The following FIP1L1 variants were observed in gnomAD, a reference collection of about 807,000 sequenced individuals.
FIP1L1 encodes factor interacting with PAPOLA and CPSF1.
A neutral mutation model predicts 84.6 loss-of-function variants in FIP1L1; 21 were observed. The observed-to-expected ratio is 0.25, with a 90% CI of 0.18 to 0.36. The LOEUF is 0.36. Ranked by LOEUF, FIP1L1 falls within the 10% of genes least tolerant of loss-of-function variation. The probability of loss-of-function intolerance (pLI) is 1.00; values close to 1 mark genes in which losing one functional copy is unlikely to be tolerated. For synonymous variants in FIP1L1, 263 were observed against 242.3 expected (o/e 1.09, Z -0.80); for missense variants, 526 against 751.1 (o/e 0.70, Z 3.50).
At chr4:53,400,122 GA>G (rs796862725) in intron 10 of FIP1L1, among the ~76,000 whole-genome samples, 9 of 152,306 alleles carry the variant, frequency 5.9e-5, no homozygotes, top group African/African-American at 1.7e-4. Context: ...TTACATTCAA[GA>G]GAGGTGGTAA....
At position 53,459,575 on chromosome 4, in the gene FIP1L1, C is replaced by CT. The variant is rs750952262; in HGVS notation, c.*133dup. Reference sequence around the variant, plus strand: ...TCTGTTTGTTAGTATGAAAAGTTAACTTTTTTTCCAAAATAAAAGAGTGAA... The same window carrying CT: ...TCTGTTTGTTAGTATGAAAAGTTAACTTTTTTTTCCAAAATAAAAGAGTGAA... On this transcript the variant is annotated 3_prime_UTR_variant, in exon 18 of 18. Coordinates refer to ENST00000337488, the MANE Select transcript of FIP1L1 (RefSeq NM_030917.4). The CT allele has an allele frequency of 5.1e-6, 7 of 1,368,250 alleles. No homozygotes were observed. Among genetic ancestry groups the CT allele is most frequent in the Middle Eastern group, 2.0e-4 (1 of 5,000 alleles). 84.8% of individuals were successfully genotyped at this position (1,368,250 alleles called of 1,614,324 possible).
Position 53,391,037 on chromosome 4 carries a change from T to C in FIP1L1, c.534T>C (p.Tyr178=), listed in dbSNP as rs1208428227. The C allele has an allele frequency of 1.9e-6, 3 of 1,605,560 alleles. No individual in the cohort carries two copies. The highest frequency in any genetic ancestry group is 2.5e-6 in the Non-Finnish European group (3 of 1,176,920). ...CTGATCTTTCTGATTATTTTAATTA[T>C]GGGTTTAATGAAGATACCTGGAAAG... The part of the protein sequence containing the change: ...PGADLSDYFN[Y]GFNEDTWKAY... The change falls in exon 8 of 18, where the codon TAT becomes TAC. Residue 178 remains tyrosine, a synonymous_variant. Coordinates refer to ENST00000337488, the MANE Select transcript of FIP1L1 (RefSeq NM_030917.4).
chr4:53,407,504 G>A (rs1754319918), intron 10 of FIP1L1, among the ~76,000 whole-genome samples: 1 of 152,078 alleles, frequency 6.6e-6, no homozygotes. Flanking sequence ...GGGGTGGAGA[G>A]TTCTGTAGAT....
intron 15 of FIP1L1, 86 bp downstream of exon 15, chr4:53,444,189 G>A (rs1773217195): frequency 3.4e-6 from 3 of 889,876 alleles, no homozygotes; most frequent in Non-Finnish European, 3.7e-6. Context: ...CGTGTTCATG[G>A]TTTAACATCT....
chr4:53,377,790 G>A lies in FIP1L1; in HGVS notation c.-49G>A. ...TCGGGGCTGCGAGGCTGGGGAAGGG[G>A]TTGGAGGGGGCTGTTGATCGCCGCG... is the stretch of plus-strand genomic sequence containing the variant. On this transcript the variant is annotated 5_prime_UTR_variant, in exon 1 of 18. Coordinates refer to ENST00000337488, the MANE Select transcript of FIP1L1 (RefSeq NM_030917.4). The A allele has an allele frequency of 6.7e-7, 1 of 1,497,826 alleles. No homozygotes were observed. Among genetic ancestry groups the A allele is most frequent in the Non-Finnish European group, 9.0e-7 (1 of 1,114,566 alleles). The allele number at this position is 1,497,826 out of a possible 1,614,324, so 92.8% of individuals were successfully genotyped here.
chr4:53,435,794 A>G (rs553172048), intron 13 of FIP1L1, among the ~76,000 whole-genome samples: 106 of 151,018 alleles, frequency 7.0e-4, no homozygotes, highest in South Asian at 1.3e-3. Flanking sequence ...TCTGGTTTGT[A>G]TTTAAGGGTG....
intron 13 of FIP1L1, among the ~76,000 whole-genome samples, chr4:53,438,061 T>C (rs1291858476): frequency 6.6e-6 from 1 of 152,148 alleles, no homozygotes; most frequent in Non-Finnish European, 1.5e-5. Context: ...CTGTTCAGTC[T>C]GTTAGAGCTT....
At chr4:53,430,068 G>T (rs1159392734) in intron 13 of FIP1L1, among the ~76,000 whole-genome samples, 1 of 152,132 alleles carries the variant, frequency 6.6e-6, no homozygotes, top group Non-Finnish European at 1.5e-5. Flanking sequence ...ACTTAGCACA[G>T]TGTCCTCCAG....
intron 9 of FIP1L1, among the ~76,000 whole-genome samples, chr4:53,398,283 C>T (rs1186216408): frequency 6.6e-6 from 1 of 152,176 alleles, no homozygotes; most frequent in African/African-American, 2.4e-5. Context: ...CTCATCATCT[C>T]ATTAGAATCA....
chr4:53,391,523 G>C (rs1214766297), intron 9 of FIP1L1, 25 bp downstream of exon 9: 2 of 1,570,310 alleles, frequency 1.3e-6, no homozygotes, highest in East Asian at 2.2e-5. Flanking sequence ...ATTATCCTTG[G>C]TTGCTCTCAT....
chr4:53,391,155 T>C lies in FIP1L1; in HGVS notation c.636+16T>C, dbSNP rs756813325. On this transcript the variant is annotated intron_variant, in intron 8 of 17. Coordinates refer to ENST00000337488, the MANE Select transcript of FIP1L1 (RefSeq NM_030917.4). ...TAAAATTACGGTAATTAATAAATACTCCGGAATACCCTTGGCTTGTCTACC... is the reference window on the plus strand; with the variant it reads ...TAAAATTACGGTAATTAATAAATACCCCGGAATACCCTTGGCTTGTCTACC... 1 of 1,592,752 alleles carries C rather than the reference T, an allele frequency of 6.3e-7. No homozygotes were observed.
chr4:53,449,970 C>T (rs971694470), intron 15 of FIP1L1, among the ~76,000 whole-genome samples: 1 of 151,990 alleles, frequency 6.6e-6, no homozygotes, highest in Non-Finnish European at 1.5e-5. Flanking sequence ...TATGTGTTCT[C>T]TTTTTTCTTA....
Position 53,378,889 on chromosome 4 carries a change from T to G in FIP1L1, c.86-184T>G. ...AAAAAAAATCGTTTGGTGGCAAGAT[T>G]TAGCATTAGTTACTACTCTTTGAAA... On this transcript the variant is annotated intron_variant, in intron 1 of 17. Coordinates refer to ENST00000337488, the MANE Select transcript of FIP1L1 (RefSeq NM_030917.4). 6.4e-6 allele frequency: 4 copies of G among 628,094 alleles called. No individual in the cohort carries two copies. In the South Asian group the frequency reaches 9.5e-5, roughly 15 times the overall value. 38.9% of individuals were successfully genotyped at this position (628,094 alleles called of 1,614,324 possible).
chr4:53,409,848 G>A (rs571563505), intron 10 of FIP1L1, among the ~76,000 whole-genome samples: 3 of 152,206 alleles, frequency 2.0e-5, no homozygotes, highest in African/African-American at 7.2e-5. Context: ...TTGGAAAAGC[G>A]CAGTATTAGG....
intron 11 of FIP1L1, among the ~76,000 whole-genome samples, chr4:53,420,197 CAAAAAAAAAAAA>C (rs1166566869): frequency 1.2e-3 from 21 of 17,546 alleles, no homozygotes; most frequent in East Asian, 5.3e-3. Context: ...GACTCCGTCT[CAAAAAAAAAAAA>C]AAAAAAAAAA....
At chr4:53,382,157 A>G (rs1738419676) in intron 3 of FIP1L1, 121 bp from the exon 4 acceptor site, 1 of 640,764 alleles carries the variant, frequency 1.6e-6, no homozygotes, top group Non-Finnish European at 2.7e-6. Context: ...TTTTACCATT[A>G]CTGTCTCCAG....
chr4:53,410,688 A>G (rs1187479635), intron 10 of FIP1L1, among the ~76,000 whole-genome samples: 2 of 152,266 alleles, frequency 1.3e-5, no homozygotes, highest in African/African-American at 4.8e-5. Context: ...CATTAACATG[A>G]TGTGTAACAT....
chr4:53,448,113 A>G (rs1774975262), intron 15 of FIP1L1, among the ~76,000 whole-genome samples: 1 of 152,232 alleles, frequency 6.6e-6, no homozygotes, highest in African/African-American at 2.4e-5. Flanking sequence ...ATTCTTTAAT[A>G]CTTTTTTCCT....
chr4:53,437,067 C>T (rs914498684), intron 13 of FIP1L1, among the ~76,000 whole-genome samples: 3 of 151,992 alleles, frequency 2.0e-5, no homozygotes, highest in Admixed American at 6.6e-5. Flanking sequence ...TTGCTCACAC[C>T]TGTAATCACA....
Sources: gnomAD v4.1 joint callset for allele counts (sites outside exome capture counted in the v4.1 genomes callset) on GRCh38, gnomAD v4.1.1 for gene constraint, MANE v1.5 for transcripts, NCBI Gene and HGNC (gene_info 2026-07-23, HGNC 2026-07-21) for gene names.